The following CCHCR1 variants were observed in gnomAD, a reference collection of about 807,000 sequenced individuals.
CCHCR1 encodes the protein HCR (a-helix coiled-coil rod homologue).
CCHCR1 carries 91 observed loss-of-function variants against 114.6 expected under a neutral mutation model. That is an observed-to-expected ratio of 0.79 (90% CI 0.67 to 0.94). CCHCR1 has a LOEUF of 0.94. CCHCR1 is among the 40% of genes least tolerant of loss of function. The pLI is 0.00. For synonymous variants in CCHCR1, 379 were observed against 428.5 expected (o/e 0.88, Z 1.43); for missense variants, 899 against 1,079.9 (o/e 0.83, Z 2.35).
intron 8 of CCHCR1, among the ~76,000 whole-genome samples, chr6:31,148,930 T>C (rs1350030807): frequency 6.6e-6 from 1 of 151,900 alleles, no homozygotes; most frequent in Non-Finnish European, 1.5e-5. Context: ...GGCAGATGGA[T>C]CACTTGAGGT....
In CCHCR1 at chr6:31,144,590, A is replaced by G; in HGVS notation, c.2167+97T>C. 2 of 764,016 alleles carry G rather than the reference A, an allele frequency of 2.6e-6. No homozygotes were observed. The highest frequency in any genetic ancestry group is 4.4e-6 in the Non-Finnish European group (2 of 455,698). The allele number at this position is 764,016 out of a possible 1,614,324, so 47.3% of individuals were successfully genotyped here. The stretch of plus-strand genomic sequence containing the variant: ...CCTGGATACCTTCATTACTTCCTGT[A>G]ATGAAGCTTTGAACACACTTTGAGG... On this transcript the variant is annotated intron_variant, in intron 15 of 17. Coordinates refer to ENST00000396268, the MANE Select transcript of CCHCR1 (RefSeq NM_001105564.2). This position sits in a 1 kb window ranked among gnomAD's most constrained non-coding sequence, Gnocchi z 4.6.
At chr6:31,157,133 G>A (rs773067352) in intron 1 of CCHCR1, 44 bp from the exon 2 acceptor site, 3 of 1,499,320 alleles carry the variant, frequency 2.0e-6, no homozygotes, top group African/African-American at 1.4e-5. Context: ...CAATTTTCAG[G>A]CCACCTTCCA....
Position 31,151,222 on chromosome 6 carries a change from A to G in CCHCR1, c.802-100T>C. ...TTCTGTGACCTTAGAGAATGACCCA[A>G]CCAATCAGCCAACTGTGCACAGCAA... On this transcript the variant is annotated intron_variant, in intron 4 of 17. Coordinates refer to ENST00000396268, the MANE Select transcript of CCHCR1 (RefSeq NM_001105564.2). The surrounding 1 kb of genome is among the most constrained non-coding windows in gnomAD (Gnocchi z 4.1). 4 of 1,300,974 alleles carry G rather than the reference A, an allele frequency of 3.1e-6. No homozygotes were observed. The South Asian group carries it at 5.7e-5, about 18-fold the overall frequency. 80.6% of individuals were successfully genotyped at this position (1,300,974 alleles called of 1,614,324 possible).
Position 31,150,142 on chromosome 6 carries a change from T to C in CCHCR1, c.1286A>G (p.Lys429Arg). The C allele has an allele frequency of 6.2e-7, 1 of 1,614,204 alleles. No homozygotes were observed. The highest frequency in any genetic ancestry group is 8.5e-7 in the Non-Finnish European group (1 of 1,180,024). Residue 429 changes from lysine (K) to arginine (R), a missense_variant, in exon 8 of 18, where the codon AAG (lysine) becomes AGG (arginine). Coordinates refer to ENST00000396268, the MANE Select transcript of CCHCR1 (RefSeq NM_001105564.2). The surrounding 1 kb of genome is among the most constrained non-coding windows in gnomAD (Gnocchi z 5.3). ...CQSLLNRWRE[K>R]VFALMVQLKA... ...TAGCTGCACCATGAGGGCAAACACC[T>C]TCTCCCGCCAGCGGTTCAGCAGGGA...
At chr6:31,157,193 G>C in intron 1 of CCHCR1, 104 bp from the exon 2 acceptor site, 1 of 1,084,934 alleles carries the variant, frequency 9.2e-7, no homozygotes, top group South Asian at 1.3e-5. Context: ...ATTATAGCCA[G>C]GTCCACCCGA....
Position 31,142,522 on chromosome 6 carries a change from G to A in CCHCR1, c.*70C>T. 2 of 1,508,854 alleles carry A rather than the reference G, an allele frequency of 1.3e-6. No homozygotes were observed. Among genetic ancestry groups the A allele is most frequent in the Non-Finnish European group, 1.8e-6 (2 of 1,102,832 alleles). 93.5% of individuals were successfully genotyped at this position (1,508,854 alleles called of 1,614,324 possible). On this transcript the variant is annotated 3_prime_UTR_variant, in exon 18 of 18. Coordinates refer to ENST00000396268, the MANE Select transcript of CCHCR1 (RefSeq NM_001105564.2). ...GCAACCCCAGGATGGGGAAGGGCTG[G>A]TCTGTCCCCACCCACTTCTCCAGGA...
At chr6:31,142,916 T>C in intron 17 of CCHCR1, 47 bp downstream of exon 17, 2 of 1,585,858 alleles carry the variant, frequency 1.3e-6, no homozygotes, top group Non-Finnish European at 1.7e-6. Flanking sequence ...AGGAGATTCC[T>C]GAAGTGCGCG....
rs1775078645 is a variant in CCHCR1 at position 31,150,600 on chromosome 6, C to T, written c.1102-35G>A. On this transcript the variant is annotated intron_variant, in intron 6 of 17. Coordinates refer to ENST00000396268, the MANE Select transcript of CCHCR1 (RefSeq NM_001105564.2). The surrounding 1 kb of genome is among the most constrained non-coding windows in gnomAD (Gnocchi z 5.3). The stretch of plus-strand genomic sequence containing the variant: ...GAGGAAAGCAGCCCCTCTGTAGGGC[C>T]TCCATGCCGCCTTAGGTACCACCTT... 3 of 1,597,430 alleles carry T rather than the reference C, an allele frequency of 1.9e-6. No individual in the cohort carries two copies. The highest frequency in any genetic ancestry group is 2.2e-5 in the East Asian group (1 of 44,686).
Position 31,157,463 on chromosome 6 carries a change from G to A in CCHCR1, c.138C>T (p.Arg46=). 6.2e-7 allele frequency: 1 copy of A among 1,613,062 alleles called. No homozygotes were observed. The highest frequency in any genetic ancestry group is 1.1e-5 in the South Asian group (1 of 91,082). ...AEPWRELWRW[R]SRPLHCVPPF... is the part of the protein sequence containing the mutation. The stretch of plus-strand genomic sequence containing the variant: ...GAGGTACACAGTGCAGGGGTCTTGA[G>A]CGCCATCTCCAGAGTTCTCTCCATG... Residue 46 remains arginine (R), a synonymous_variant, in exon 1 of 18, where the codon CGC becomes CGT. Coordinates refer to ENST00000396268, the MANE Select transcript of CCHCR1 (RefSeq NM_001105564.2).
intron 3 of CCHCR1, among the ~76,000 whole-genome samples, chr6:31,155,535 C>T (rs1018909466): frequency 7.2e-6 from 1 of 138,778 alleles, no homozygotes; most frequent in Non-Finnish European, 1.5e-5. Context: ...ACCTGGGAGG[C>T]AGAGCTTGCA....
intron 10 of CCHCR1, among the ~76,000 whole-genome samples, chr6:31,147,798 C>G (rs186288001): frequency 1.9e-3 from 287 of 152,114 alleles, no homozygotes; most frequent in African/African-American, 6.5e-3. Context: ...GAAACCCCGT[C>G]CCTACTAAAA....
intron 3 of CCHCR1, among the ~76,000 whole-genome samples, chr6:31,155,892 C>T (rs530841289): frequency 5.9e-5 from 9 of 152,266 alleles, no homozygotes; most frequent in African/African-American, 2.2e-4. Flanking sequence ...AGGGGTCCTA[C>T]CACCTTAGCC....
intron 4 of CCHCR1, among the ~76,000 whole-genome samples, chr6:31,153,238 T>C (rs1775505438): frequency 6.6e-6 from 1 of 151,822 alleles, no homozygotes; most frequent in Non-Finnish European, 1.5e-5. Context: ...CCTCCCAAAG[T>C]GCTGGGATTA....
chr6:31,148,798 T>G (rs1049708895), intron 8 of CCHCR1, 70 bp from the exon 9 acceptor site: 2 of 564,700 alleles, frequency 3.5e-6, no homozygotes, highest in South Asian at 1.4e-5. Flanking sequence ...GGAAGCAAAG[T>G]GGCAGGTGCA....
rs771140403 is a variant in CCHCR1, at chr6:31,145,178, C to A, written c.1864G>T (p.Ala622Ser). 13 of 1,612,724 alleles carry A rather than the reference C, an allele frequency of 8.1e-6. No homozygotes were observed. Among genetic ancestry groups the A allele is most frequent in the Non-Finnish European group, 1.1e-5 (13 of 1,180,008 alleles). Reference protein sequence around the residue: ...ARLIQQEVGRAREQGEAERQQ... With the variant: ...ARLIQQEVGRSREQGEAERQQ... ...CAACCAGGTGTACCTTGCTCCCGAG[C>A]CCGGCCCACCTCCTGCTGGATGAGG... The change falls in exon 13 of 18, where the codon GCT becomes TCT. Residue 622 changes from alanine to serine, a missense_variant. Ala to Ser is a moderately conservative substitution (Grantham distance 99). Coordinates refer to ENST00000396268, the MANE Select transcript of CCHCR1 (RefSeq NM_001105564.2).
chr6:31,143,467 C>A lies in CCHCR1; in HGVS notation c.2168-54G>T. ...CAGGTGTGAGTCAGGCCAGAGGCAG[C>A]CAGGCACCATGAAGACAGGAACAAA... On this transcript the variant is annotated intron_variant, in intron 15 of 17. Coordinates refer to ENST00000396268, the MANE Select transcript of CCHCR1 (RefSeq NM_001105564.2). This position sits in a 1 kb window ranked among gnomAD's most constrained non-coding sequence, Gnocchi z 5.3. The A allele has an allele frequency of 6.3e-7, 1 of 1,588,034 alleles. No homozygotes were observed. Among genetic ancestry groups the A allele is most frequent in the Non-Finnish European group, 8.6e-7 (1 of 1,166,416 alleles).
intron 8 of CCHCR1, 48 bp from the exon 9 acceptor site, chr6:31,148,776 G>A: frequency 8.5e-7 from 1 of 1,171,244 alleles, no homozygotes; most frequent in Non-Finnish European, 1.3e-6. Context: ...GCTAAAAGAT[G>A]AGGGGGGCAC....
intron 11 of CCHCR1, 46 bp from the exon 12 acceptor site, chr6:31,145,539 G>A: frequency 6.3e-7 from 1 of 1,590,832 alleles, no homozygotes; most frequent in Non-Finnish European, 8.6e-7. Flanking sequence ...GTTTGCATGG[G>A]AGAAAGTGGG....
At position 31,143,155 on chromosome 6, in the gene CCHCR1, C is replaced by A. The variant is rs771438666; in HGVS notation, c.2320-21G>T. 6.2e-7 allele frequency: 1 copy of A among 1,612,094 alleles called. No individual in the cohort carries two copies. Among genetic ancestry groups the A allele is most frequent in the Admixed American group, 1.7e-5 (1 of 59,994 alleles). ...GTGGCCTGGGAAGGAGAGGGTTAAA[C>A]CTAGCCCGGATAGAGCCTCCCTCAC... is the stretch of plus-strand genomic sequence containing the variant. On this transcript the variant is annotated intron_variant, in intron 16 of 17. Coordinates refer to ENST00000396268, the MANE Select transcript of CCHCR1 (RefSeq NM_001105564.2). This position sits in a 1 kb window ranked among gnomAD's most constrained non-coding sequence, Gnocchi z 5.3.
Sources: allele counts gnomAD v4.1 joint callset (sites outside exome capture counted in the v4.1 genomes callset), GRCh38; gene constraint gnomAD v4.1.1; non-coding constraint Gnocchi (gnomAD v3.1); transcripts MANE v1.5; gene names NCBI Gene and HGNC (gene_info 2026-07-23, HGNC 2026-07-21).